XKR6: variants seen among roughly 807,000 people sequenced by gnomAD.
XKR6 encodes the protein XK-related protein 6.
A neutral mutation model predicts 56.7 loss-of-function variants in XKR6; 22 were observed. The ratio of observed to expected loss-of-function variants is 0.39; its 90% confidence interval spans 0.28 to 0.55. The LOEUF (loss-of-function observed/expected upper bound fraction) is 0.55, where lower values mean the gene tolerates loss of function less well. Ranked by LOEUF, XKR6 falls within the 20% of genes least tolerant of loss-of-function variation. The probability of loss-of-function intolerance (pLI) is 0.66; values close to 1 mark genes in which losing one functional copy is unlikely to be tolerated. For synonymous variants in XKR6, 524 were observed against 387.8 expected (o/e 1.35, Z -4.13); for missense variants, 852 against 889.0 (o/e 0.96, Z 0.53).
intron 1 of XKR6, among the ~76,000 whole-genome samples, chr8:11,036,586 A>C (rs924675658): frequency 6.6e-6 from 1 of 152,230 alleles, no homozygotes; most frequent in African/African-American, 2.4e-5. Context: ...GTGGCTGCAC[A>C]GTAAATTTTG....
At position 11,108,448 on chromosome 8, in the gene XKR6, T is replaced by G. The variant is rs904098458; in HGVS notation, c.764+92128A>C. ...AAAATCTTCATAATTGTTAGAAATG[T>G]TAGAAGAAATATGTTCATTTAAAAA... is the stretch of plus-strand genomic sequence containing the variant. On this transcript the variant is annotated intron_variant, in intron 1 of 2. Transcript: ENST00000416569. The G allele has an allele frequency of 2.8e-5, 12 of 426,856 alleles. No homozygotes were observed. In the Admixed American group the frequency reaches 3.3e-4, roughly 12 times the overall value. 26.4% of individuals were successfully genotyped at this position (426,856 alleles called of 1,614,324 possible).
rs1422636669 is a variant in XKR6, at chr8:11,082,981, G to A, written c.764+117595C>T. 2.0e-4 allele frequency among the ~76,000 whole-genome samples: 30 copies of A among 152,184 alleles called. 2 individuals carry two copies. Among genetic ancestry groups the A allele is most frequent in the Admixed American group, 2.0e-3 (30 of 15,286 alleles). On this transcript the variant is annotated intron_variant, in intron 1 of 2. Coordinates refer to ENST00000416569, the MANE Select transcript of XKR6 (RefSeq NM_173683.4). ...TAGCCCTAGGCAGGGCTTCCTCCCT[G>A]CCTCACCTTCCCAGCCCTTTCTGCA...
At position 10,928,727 on chromosome 8, in the gene XKR6, G is replaced by T. The variant is rs572979489; in HGVS notation, c.765-3897C>A. Among the ~76,000 whole-genome samples the T allele has an allele frequency of 6.6e-4, 101 of 152,298 alleles. 1 individual carries two copies. The highest frequency in any genetic ancestry group is 2.3e-3 in the African/African-American group (94 of 41,540). On this transcript the variant is annotated intron_variant, in intron 1 of 2. Coordinates refer to ENST00000416569, the MANE Select transcript of XKR6 (RefSeq NM_173683.4). ...TGCAAGCCCAGAGGTGCGCTCCGAGGGGGGAACCAAGGCAGGAGACTCAGG... is the reference window on the plus strand; with the variant it reads ...TGCAAGCCCAGAGGTGCGCTCCGAGTGGGGAACCAAGGCAGGAGACTCAGG...
intron 1 of XKR6, among the ~76,000 whole-genome samples, chr8:11,054,809 G>A (rs539040994): frequency 1.3e-5 from 2 of 152,294 alleles, no homozygotes; most frequent in African/African-American, 4.8e-5. Flanking sequence ...GTGCTCACTG[G>A]GGCCCTGGGA....
At chr8:11,026,841 A>C (rs1798878816) in intron 1 of XKR6, among the ~76,000 whole-genome samples, 1 of 151,794 alleles carries the variant, frequency 6.6e-6, no homozygotes, top group Non-Finnish European at 1.5e-5. Flanking sequence ...ACACACCTAG[A>C]TAGCCTAGCC....
chr8:10,916,397 G>A (rs1800564566), intron 2 of XKR6, among the ~76,000 whole-genome samples: 2 of 152,158 alleles, frequency 1.3e-5, no homozygotes, highest in Admixed American at 6.5e-5. Context: ...CACCTTTTGT[G>A]TCCTTGATTT....
At chr8:11,165,393 C>G (rs769237862) in intron 1 of XKR6, among the ~76,000 whole-genome samples, 1 of 152,078 alleles carries the variant, frequency 6.6e-6, no homozygotes, top group Non-Finnish European at 1.5e-5. Flanking sequence ...CCACAGTGCC[C>G]AGCTGGCTAT....
chr8:11,170,983 T>A (rs1363674654), intron 1 of XKR6, among the ~76,000 whole-genome samples: 1 of 152,230 alleles, frequency 6.6e-6, no homozygotes, highest in East Asian at 1.9e-4. Context: ...TACTCCAACA[T>A]CAGAATTTAG....
At chr8:10,912,344 GGAGAGA>G (rs1206752634) in intron 2 of XKR6, among the ~76,000 whole-genome samples, 2 of 46,128 alleles carry the variant, frequency 4.3e-5, no homozygotes, top group African/African-American at 7.4e-5. Context: ...ATATATATAT[GGAGAGA>G]GAGAGAGAGA....
At chr8:11,197,588 C>G (rs1169320508) in intron 1 of XKR6, among the ~76,000 whole-genome samples, 1 of 152,228 alleles carries the variant, frequency 6.6e-6, no homozygotes, top group Non-Finnish European at 1.5e-5. Context: ...TCAAGCTGTA[C>G]AGACGCTGTT....
chr8:11,157,831 A>T (rs1373403001), intron 1 of XKR6, among the ~76,000 whole-genome samples: 1 of 152,138 alleles, frequency 6.6e-6, no homozygotes, highest in Non-Finnish European at 1.5e-5. Context: ...TTTATTTCTT[A>T]GAGTCTCTTT....
intron 1 of XKR6, among the ~76,000 whole-genome samples, chr8:11,163,040 G>C (rs1801898496): frequency 6.6e-6 from 1 of 151,906 alleles, no homozygotes; most frequent in Non-Finnish European, 1.5e-5. Context: ...TTATCCAATT[G>C]GTTCTACTTG....
intron 1 of XKR6, among the ~76,000 whole-genome samples, chr8:11,047,418 G>T (rs1472140914): frequency 6.6e-6 from 1 of 152,198 alleles, no homozygotes; most frequent in Non-Finnish European, 1.5e-5. Flanking sequence ...TTCACGAGTA[G>T]GATGGTGATT....
intron 1 of XKR6, among the ~76,000 whole-genome samples, chr8:10,954,169 G>A (rs985107342): frequency 3.3e-5 from 5 of 152,048 alleles, no homozygotes; most frequent in African/African-American, 1.2e-4. Context: ...AATTCTCTTG[G>A]GTATATACAT....
At chr8:11,107,391 G>A (rs910472504) in intron 1 of XKR6, among the ~76,000 whole-genome samples, 1 of 152,008 alleles carries the variant, frequency 6.6e-6, no homozygotes, top group Non-Finnish European at 1.5e-5. Flanking sequence ...TGTAGAGACA[G>A]GGTCCTGCTA....
chr8:11,077,750 A>C (rs755851214), intron 1 of XKR6, among the ~76,000 whole-genome samples: 1 of 152,126 alleles, frequency 6.6e-6, no homozygotes, highest in East Asian at 1.9e-4. Context: ...CCCAGCTGCA[A>C]GAATGCATCT....
At chr8:11,121,032 T>G (rs180703671) in intron 1 of XKR6, among the ~76,000 whole-genome samples, 1 of 152,088 alleles carries the variant, frequency 6.6e-6, no homozygotes, top group Non-Finnish European at 1.5e-5. Context: ...AGACAAAAAT[T>G]AATTCAAGAT....
chr8:11,150,052 G>C lies in XKR6; in HGVS notation c.764+50524C>G, dbSNP rs566968416. ...CATGGAGGTAGAGAGTAGAATGAGA[G>C]ATACCAGAGGCTGGGAAGAGTTGGG... On this transcript the variant is annotated intron_variant, in intron 1 of 2. Transcript: ENST00000416569. Among the ~76,000 whole-genome samples the C allele has an allele frequency of 1.7e-3, 263 of 152,308 alleles. 2 individuals are homozygous for C. Among genetic ancestry groups the C allele is most frequent in the African/African-American group, 6.1e-3 (252 of 41,586 alleles).
intron 1 of XKR6, among the ~76,000 whole-genome samples, chr8:11,196,966 C>T (rs1348293530): frequency 2.2e-5 from 3 of 138,440 alleles, no homozygotes; most frequent in Non-Finnish European, 5.0e-5. Flanking sequence ...GCAACATTCA[C>T]TGCAGATTTT....
Sources: allele counts gnomAD v4.1 joint callset (sites outside exome capture counted in the v4.1 genomes callset), GRCh38; gene constraint gnomAD v4.1.1; transcripts MANE v1.5; gene names NCBI Gene and HGNC (gene_info 2026-07-23, HGNC 2026-07-21).